Variants in SENP6 observed in about 807,000 individuals in gnomAD.
SENP6 encodes the protein SUMO specific peptidase 6.
In SENP6, 41 loss-of-function variants were observed where a neutral mutation model predicts 134.5. The ratio of observed to expected loss-of-function variants is 0.30; its 90% CI spans 0.24 to 0.40. The LOEUF (loss-of-function observed/expected upper bound fraction) is 0.40. SENP6 is among the 10% of genes least tolerant of loss of function. SENP6 has a pLI of 1.00. For missense variants in SENP6, 1,248 were observed against 1,312.5 expected (o/e 0.95, Z 0.76); for synonymous variants, 395 against 429.8 (o/e 0.92, Z 1.00).
intron 19 of SENP6, among the ~76,000 whole-genome samples, chr6:75,707,523 C>A (rs991637245): frequency 2.0e-5 from 3 of 151,326 alleles, no homozygotes; most frequent in Non-Finnish European, 2.9e-5. Flanking sequence ...GTCACCTGCC[C>A]GGCAAAATTT....
intron 3 of SENP6, among the ~76,000 whole-genome samples, chr6:75,629,723 G>A (rs1196518629): frequency 6.6e-6 from 1 of 152,108 alleles, no homozygotes; most frequent in Non-Finnish European, 1.5e-5. Flanking sequence ...TAGCTTACAG[G>A]TAATGTATAG....
intron 3 of SENP6, among the ~76,000 whole-genome samples, chr6:75,626,194 A>C (rs1025045334): frequency 1.3e-5 from 2 of 151,722 alleles, no homozygotes; most frequent in African/African-American, 4.8e-5. Context: ...TTTTCATTTT[A>C]ATTTTTATTA....
At chr6:75,633,302 C>G (rs1312864226) in intron 3 of SENP6, among the ~76,000 whole-genome samples, 1 of 152,084 alleles carries the variant, frequency 6.6e-6, no homozygotes, top group African/African-American at 2.4e-5. Context: ...CTGGAGAAAG[C>G]TATCCTAAGA....
chr6:75,674,170 T>TTA (rs1554170799), intron 11 of SENP6, among the ~76,000 whole-genome samples: 15 of 109,572 alleles, frequency 1.4e-4, no homozygotes, highest in African/African-American at 2.3e-4. Context: ...TTTTTTTTTT[T>TTA]AAAAACGATA....
chr6:75,715,019 C>T (rs1271569803), intron 23 of SENP6, among the ~76,000 whole-genome samples: 1 of 152,170 alleles, frequency 6.6e-6, no homozygotes, highest in African/African-American at 2.4e-5. Flanking sequence ...GTAGTAAATA[C>T]ATTAGGCTTT....
At chr6:75,655,866 A>G (rs1441312635) in intron 7 of SENP6, among the ~76,000 whole-genome samples, 2 of 152,100 alleles carry the variant, frequency 1.3e-5, no homozygotes, top group East Asian at 1.9e-4. Flanking sequence ...TTACCCAGTA[A>G]TATCTTCCAT....
chr6:75,611,832 T>A (rs967997001), intron 1 of SENP6: 3 of 152,200 alleles, frequency 2.0e-5, no homozygotes, highest in African/African-American at 7.2e-5. Context: ...GCTGCCTGAC[T>A]AACGAACTGA....
chr6:75,680,159 C>T (rs935128088), intron 16 of SENP6, among the ~76,000 whole-genome samples: 1 of 152,130 alleles, frequency 6.6e-6, no homozygotes, highest in African/African-American at 2.4e-5. Flanking sequence ...TACTCCAGGA[C>T]TAATTAAGTG....
chr6:75,709,499 T>C lies in SENP6; in HGVS notation c.2717-28T>C, dbSNP rs751245641. The C allele has an allele frequency of 3.3e-6, 5 of 1,510,944 alleles. No homozygotes were observed. In the Admixed American group the frequency reaches 5.0e-5, roughly 15 times the overall value. 93.6% of individuals were successfully genotyped at this position (1,510,944 alleles called of 1,614,324 possible). A position where few individuals can be genotyped will look rare whatever the true frequency, so the allele number is the denominator to read the frequency against. ...TATGAGTGATAGACATGGCCTTTTT[T>C]ATTATGTAATGTTTCTTATTGATAC... On this transcript the variant is annotated intron_variant, in intron 19 of 23. Transcript: ENST00000447266.
At chr6:75,603,731 A>C (rs1300008327) in intron 1 of SENP6, among the ~76,000 whole-genome samples, 1 of 152,172 alleles carries the variant, frequency 6.6e-6, no homozygotes, top group Non-Finnish European at 1.5e-5. Context: ...GGAACACAGT[A>C]GGTACTCAGT....
At chr6:75,672,399 T>C (rs139280102) in intron 11 of SENP6, among the ~76,000 whole-genome samples, 1 of 152,316 alleles carries the variant, frequency 6.6e-6, no homozygotes, top group Middle Eastern at 3.4e-3. Context: ...AGAAAAACTT[T>C]GTAAATTTAG....
In SENP6 at chr6:75,602,465, G is replaced by A. The variant is rs1343618432; in HGVS notation, c.-60G>A. 2.6e-6 allele frequency: 4 copies of A among 1,544,052 alleles called. No individual in the cohort carries two copies. The African/African-American group carries it at 5.5e-5, about 21-fold the overall frequency. The stretch of plus-strand genomic sequence containing the variant: ...CTCCTCCGGCGCGGCCCCTCATCCC[G>A]GCGAGCACGGCGGCGGTGTGGGCCA... On this transcript the variant is annotated 5_prime_UTR_variant, in exon 1 of 24. Coordinates refer to ENST00000447266, the MANE Select transcript of SENP6 (RefSeq NM_015571.4).
At chr6:75,637,836 A>G (rs1769643175) in intron 5 of SENP6, among the ~76,000 whole-genome samples, 1 of 152,164 alleles carries the variant, frequency 6.6e-6, no homozygotes, top group Admixed American at 6.6e-5. Context: ...TTTAATTATT[A>G]GTGAAAAGCA....
intron 18 of SENP6, among the ~76,000 whole-genome samples, chr6:75,700,535 G>A (rs1208142559): frequency 1.3e-5 from 2 of 152,094 alleles, no homozygotes. Context: ...CGCCCAGACT[G>A]GAGTGCAGTG....
At chr6:75,620,082 C>CA (rs10526946) in intron 1 of SENP6, among the ~76,000 whole-genome samples, 28,916 of 126,548 alleles carry the variant, frequency 0.23, 4,191 homozygotes, top group Non-Finnish European at 0.35. Flanking sequence ...TACCTTGCCT[C>CA]AAAAAAAAAA....
rs151119607 is a variant in SENP6, at chr6:75,643,367, G to A, written c.479+2663G>A. Reference sequence around the variant, plus strand: ...AAGTAAGTTTAAAGCCACAAGAGATGCAAACAAAAAGAAAGCATGAGTGGA... The same window carrying A: ...AAGTAAGTTTAAAGCCACAAGAGATACAAACAAAAAGAAAGCATGAGTGGA... On this transcript the variant is annotated intron_variant, in intron 6 of 23. Coordinates refer to ENST00000447266, the MANE Select transcript of SENP6 (RefSeq NM_015571.4). Among the ~76,000 whole-genome samples, 366 of 152,210 alleles carry A rather than the reference G, an allele frequency of 2.4e-3. 2 individuals are homozygous for A. The highest frequency in any genetic ancestry group is 3.8e-3 in the Non-Finnish European group (257 of 67,994).
intron 7 of SENP6, among the ~76,000 whole-genome samples, chr6:75,658,978 A>C (rs1438225226): frequency 7.0e-6 from 1 of 143,334 alleles, no homozygotes; most frequent in Non-Finnish European, 1.5e-5. Context: ...TCTCCCCAAA[A>C]AAAAAAAAAA....
At chr6:75,715,359 TA>T in intron 23 of SENP6, 25 bp from the exon 24 acceptor site, 1 of 1,488,502 alleles carries the variant, frequency 6.7e-7, no homozygotes, top group Non-Finnish European at 9.3e-7. Flanking sequence ...TACAGTTTTC[TA>T]ATACGCATTT....
In SENP6 at chr6:75,666,777, C is replaced by T; in HGVS notation, c.1060C>T (p.Gln354Ter). 1 of 1,612,948 alleles carries T rather than the reference C, an allele frequency of 6.2e-7. No individual in the cohort carries two copies. Among genetic ancestry groups the T allele is most frequent in the Non-Finnish European group, 8.5e-7 (1 of 1,179,088 alleles). ...RTNRRESISP[Q>*]PADSACSSPA... ...TAACAGAAGAGAAAGCATATCTCCT[C>T]AGCCTGCTGATTCAGCATGTTCTTC... Residue 354 changes from glutamine to a stop codon, truncating the protein, a stop_gained, in exon 10 of 24, where the codon CAG becomes TAG. Coordinates refer to ENST00000447266, the MANE Select transcript of SENP6 (RefSeq NM_015571.4). LOFTEE classifies it high-confidence loss of function.
Sources: allele counts gnomAD v4.1 joint callset (sites outside exome capture counted in the v4.1 genomes callset), GRCh38; gene constraint gnomAD v4.1.1; transcripts MANE v1.5; gene names NCBI Gene and HGNC (gene_info 2026-07-23, HGNC 2026-07-21).